The following AGBL4 variants were observed in gnomAD, a reference collection of about 807,000 sequenced individuals.
AGBL4 encodes the protein AGBL carboxypeptidase 4.
Under a neutral mutation model 66.4 loss-of-function variants are expected in AGBL4, and 58 were observed. That is an observed-to-expected ratio of 0.87 (90% CI 0.71 to 1.09). The LOEUF (loss-of-function observed/expected upper bound fraction) is 1.09, where lower values mean the gene tolerates loss of function less well. Among genes scored for constraint, AGBL4 ranks in the 50% least tolerant of loss-of-function variants. AGBL4 has a pLI of 0.00. For synonymous variants in AGBL4, 234 were observed against 222.9 expected (o/e 1.05, Z -0.44); for missense variants, 579 against 631.0 (o/e 0.92, Z 0.88).
chr1:50,014,583 G>A (rs1445724693), intron 1 of AGBL4, among the ~76,000 whole-genome samples: 1 of 130,942 alleles, frequency 7.6e-6, no homozygotes, highest in African/African-American at 2.9e-5. Context: ...TCTGTGCAAT[G>A]GTATAGTCTC....
At chr1:49,866,086 A>AC (rs1166834524) in intron 1 of AGBL4, among the ~76,000 whole-genome samples, 12 of 152,086 alleles carry the variant, frequency 7.9e-5, no homozygotes, top group Non-Finnish European at 1.5e-4. Flanking sequence ...AACAAGCAAA[A>AC]CTCTGAAAAC....
chr1:49,500,682 T>C (rs1410631001), intron 3 of AGBL4, among the ~76,000 whole-genome samples: 1 of 152,068 alleles, frequency 6.6e-6, no homozygotes, highest in Non-Finnish European at 1.5e-5. Flanking sequence ...AAAGATCAGT[T>C]GACTATAAGT....
intron 6 of AGBL4, among the ~76,000 whole-genome samples, chr1:48,712,842 C>T (rs926441158): frequency 1.3e-5 from 2 of 152,192 alleles, no homozygotes; most frequent in Non-Finnish European, 1.5e-5. Flanking sequence ...TTGTGGCCCC[C>T]GTGAATGGGG....
intron 9 of AGBL4, among the ~76,000 whole-genome samples, chr1:48,616,105 T>C (rs911043570): frequency 2.6e-5 from 4 of 152,222 alleles, no homozygotes; most frequent in Non-Finnish European, 5.9e-5. Flanking sequence ...ATATGGATTT[T>C]GGAGGGGCAC....
intron 1 of AGBL4, among the ~76,000 whole-genome samples, chr1:49,894,143 T>C (rs998125795): frequency 6.6e-6 from 1 of 152,200 alleles, no homozygotes; most frequent in Non-Finnish European, 1.5e-5. Flanking sequence ...TCTATGAATC[T>C]GCAAGAACCA....
chr1:49,738,719 C>G (rs549112184), intron 2 of AGBL4, among the ~76,000 whole-genome samples: 1 of 152,186 alleles, frequency 6.6e-6, no homozygotes, highest in African/African-American at 2.4e-5. Flanking sequence ...TCCAGAGGAA[C>G]GATCAGGCAG....
intron 3 of AGBL4, among the ~76,000 whole-genome samples, chr1:49,378,803 T>G (rs1644527012): frequency 6.6e-6 from 1 of 152,104 alleles, no homozygotes; most frequent in Non-Finnish European, 1.5e-5. Flanking sequence ...CTGTTAGAAG[T>G]TTCCCTCACT....
chr1:48,677,078 G>A (rs1646377734), intron 6 of AGBL4, among the ~76,000 whole-genome samples: 1 of 152,290 alleles, frequency 6.6e-6, no homozygotes, highest in East Asian at 1.9e-4. Context: ...AGCTCAAGAG[G>A]ATCAGAAGCC....
intron 5 of AGBL4, among the ~76,000 whole-genome samples, chr1:48,893,463 C>T (rs1043038905): frequency 1.3e-5 from 2 of 151,644 alleles, no homozygotes; most frequent in African/African-American, 2.4e-5. Context: ...GGGCAGATCA[C>T]GAGGTCAGGA....
At chr1:49,724,525 A>G (rs906778678) in intron 2 of AGBL4, among the ~76,000 whole-genome samples, 1 of 152,168 alleles carries the variant, frequency 6.6e-6, no homozygotes, top group Non-Finnish European at 1.5e-5. Flanking sequence ...CTCTATTATC[A>G]TAGAAGCAAA....
chr1:48,583,858 T>G (rs565203856), intron 11 of AGBL4: 120 of 151,530 alleles, frequency 7.9e-4, no homozygotes, highest in African/African-American at 2.9e-3. Flanking sequence ...TGAGAGTTTT[T>G]TTTTTTTTTT....
chr1:49,140,926 G>C (rs904635265), intron 4 of AGBL4, among the ~76,000 whole-genome samples: 11 of 152,142 alleles, frequency 7.2e-5, no homozygotes, highest in African/African-American at 2.7e-4. Context: ...TGCAAAACTA[G>C]AATTAAATAT....
rs927160945 is a variant in AGBL4, at chr1:49,921,691, G to A, written c.35-70173C>T. 3.9e-5 allele frequency among the ~76,000 whole-genome samples: 6 copies of A among 152,158 alleles called. No homozygotes were observed. The East Asian group carries it at 5.8e-4, about 15-fold the overall frequency. ...CGTTAAGTCCAAGAGTCCAAAAGTC[G>A]AAGAAGCTGGAATCTGATGTCCAAG... On this transcript the variant is annotated intron_variant, in intron 1 of 13. Coordinates refer to ENST00000371839, the MANE Select transcript of AGBL4 (RefSeq NM_032785.4).
chr1:49,562,368 C>A (rs1246395664), intron 3 of AGBL4, among the ~76,000 whole-genome samples: 2 of 152,136 alleles, frequency 1.3e-5, no homozygotes, highest in African/African-American at 4.8e-5. Context: ...GTGTTTTATA[C>A]ATGAAGTCCT....
intron 2 of AGBL4, among the ~76,000 whole-genome samples, chr1:49,742,200 A>G (rs1650562373): frequency 6.6e-6 from 1 of 150,794 alleles, no homozygotes; most frequent in African/African-American, 2.4e-5. Flanking sequence ...AACTTCAGCA[A>G]AGTCTCAGGA....
At chr1:49,763,765 C>T (rs904293851) in intron 2 of AGBL4, among the ~76,000 whole-genome samples, 1 of 152,196 alleles carries the variant, frequency 6.6e-6, no homozygotes, top group Admixed American at 6.5e-5. Flanking sequence ...AGGGACACCA[C>T]TCAATTCCAC....
intron 3 of AGBL4, among the ~76,000 whole-genome samples, chr1:49,593,539 C>A (rs1262651737): frequency 1.3e-5 from 2 of 152,144 alleles, no homozygotes; most frequent in African/African-American, 4.8e-5. Flanking sequence ...ATGCAATTAT[C>A]ATCTTAAAAA....
At chr1:49,940,071 C>T (rs1381997225) in intron 1 of AGBL4, among the ~76,000 whole-genome samples, 1 of 152,166 alleles carries the variant, frequency 6.6e-6, no homozygotes, top group Non-Finnish European at 1.5e-5. Context: ...CAAAAGAAGA[C>T]ATTTATGCAG....
chr1:49,677,976 T>C (rs1646613881), intron 3 of AGBL4, among the ~76,000 whole-genome samples: 1 of 152,206 alleles, frequency 6.6e-6, no homozygotes, highest in South Asian at 2.1e-4. Context: ...CAGTCTATGA[T>C]ATTTTGTTAC....
Sources: allele counts gnomAD v4.1 joint callset (sites outside exome capture counted in the v4.1 genomes callset), GRCh38; gene constraint gnomAD v4.1.1; transcripts MANE v1.5; gene names NCBI Gene and HGNC (gene_info 2026-07-23, HGNC 2026-07-21).